Variants in GALNT13 observed in about 807,000 individuals in gnomAD.
The protein encoded by GALNT13 is polypeptide N-acetylgalactosaminyltransferase 13, also known as UDP-GalNAc:polypeptide N-acetylgalactosaminyltransferase 13.
A neutral mutation model predicts 64.2 loss-of-function variants in GALNT13; 28 were observed. The observed-to-expected ratio is 0.44, with a 90% CI of 0.32 to 0.60. The LOEUF is 0.60. GALNT13 is among the 20% of genes least tolerant of loss of function. GALNT13 has a pLI of 0.05. For missense variants in GALNT13, 577 were observed against 669.8 expected (o/e 0.86, Z 1.53); for synonymous variants, 214 against 224.6 (o/e 0.95, Z 0.42).
At chr2:154,033,863 C>T (rs183374784) in intron 3 of GALNT13, among the ~76,000 whole-genome samples, 95 of 151,974 alleles carry the variant, frequency 6.3e-4, no homozygotes, top group Non-Finnish European at 1.2e-3. Flanking sequence ...CTCTTGAACC[C>T]GGGGGGTGGA....
At chr2:154,082,120 G>A (rs893471237) in intron 3 of GALNT13, among the ~76,000 whole-genome samples, 21 of 151,682 alleles carry the variant, frequency 1.4e-4, no homozygotes, top group African/African-American at 4.8e-4. Flanking sequence ...GTTTTATGAT[G>A]TGTATTTTTA....
At chr2:153,547,899 T>A in the GALNT13 span, among the ~76,000 whole-genome samples, 492 of 152,312 alleles carry the variant, frequency 3.2e-3, 2 homozygotes, top group Non-Finnish European at 5.8e-3. Flanking sequence ...GGTTTTGATA[T>A]CCATAAGTGG....
the GALNT13 span, among the ~76,000 whole-genome samples, chr2:153,772,604 T>A: frequency 6.6e-6 from 1 of 152,362 alleles, no homozygotes; most frequent in African/African-American, 2.4e-5. Flanking sequence ...TGCACTGTTT[T>A]GCTATTTCCA....
rs540238090 is a variant in GALNT13 at position 154,349,327 on chromosome 2, C to G, written c.1157-46664C>G. On this transcript the variant is annotated intron_variant, in intron 9 of 12. Coordinates refer to ENST00000392825, the MANE Select transcript of GALNT13 (RefSeq NM_052917.4). The stretch of plus-strand genomic sequence containing the variant: ...AAATACAACTGTTTTAACTGGTTTA[C>G]AAGAAAATTGCAAGGATCATCTAAG... Among the ~76,000 whole-genome samples the G allele has an allele frequency of 7.9e-5, 12 of 152,236 alleles. No homozygotes were observed. The East Asian group carries it at 2.1e-3, about 27-fold the overall frequency.
At position 153,884,774 on chromosome 2, in the gene GALNT13, T is replaced by C. The variant is rs766685589; in HGVS notation, c.-177+12471T>C. Among the ~76,000 whole-genome samples the C allele has an allele frequency of 8.6e-4, 91 of 105,658 alleles. 1 individual carries two copies. Among genetic ancestry groups the C allele is most frequent in the Admixed American group, 4.2e-3 (46 of 10,970 alleles). 69.3% of individuals were successfully genotyped at this position (105,658 alleles called of 152,430 possible). A position where few individuals can be genotyped will look rare whatever the true frequency, so the allele number is the denominator to read the frequency against. ...TCTGTACTAAAAATACGAATATATA[T>C]ATATATATATATGTGTGTGTATATA... is the stretch of plus-strand genomic sequence containing the variant. On this transcript the variant is annotated intron_variant, in intron 1 of 12. Transcript: ENST00000392825.
intron 9 of GALNT13, among the ~76,000 whole-genome samples, chr2:154,307,475 A>G (rs570449618): frequency 1.9e-4 from 29 of 152,236 alleles, no homozygotes; most frequent in Non-Finnish European, 4.0e-4. Context: ...TATCTACTAT[A>G]TATCCTAACA....
the GALNT13 span, among the ~76,000 whole-genome samples, chr2:153,508,580 A>G: frequency 6.6e-6 from 1 of 152,174 alleles, no homozygotes. Flanking sequence ...TACTCCCCCA[A>G]CAACACTGAG....
intron 3 of GALNT13, among the ~76,000 whole-genome samples, chr2:154,133,362 G>A (rs909060229): frequency 1.3e-5 from 2 of 151,398 alleles, no homozygotes; most frequent in Non-Finnish European, 2.9e-5. Flanking sequence ...TCTAATTTGT[G>A]ATCTAATTAA....
At chr2:153,475,665 T>C in the GALNT13 span, among the ~76,000 whole-genome samples, 4,824 of 152,280 alleles carry the variant, frequency 0.032, 101 homozygotes, top group Middle Eastern at 0.071. Flanking sequence ...ACTCTAAGCA[T>C]GTGCCCGTAC....
At chr2:153,305,333 G>A in the GALNT13 span, among the ~76,000 whole-genome samples, 1 of 152,124 alleles carries the variant, frequency 6.6e-6, no homozygotes, top group East Asian at 1.9e-4. Flanking sequence ...CTAGGTTCTA[G>A]GAGTATCTGT....
At chr2:153,355,577 T>C in the GALNT13 span, among the ~76,000 whole-genome samples, 1 of 152,162 alleles carries the variant, frequency 6.6e-6, no homozygotes, top group Admixed American at 6.5e-5. Context: ...AAACAATGGA[T>C]CAAAAGTGTG....
chr2:154,127,283 C>T (rs1682339661), intron 3 of GALNT13, among the ~76,000 whole-genome samples: 2 of 152,114 alleles, frequency 1.3e-5, no homozygotes, highest in Admixed American at 6.5e-5. Context: ...AAAGTGACCA[C>T]TGATACGTAT....
the GALNT13 span, among the ~76,000 whole-genome samples, chr2:153,378,253 A>G: frequency 7.3e-6 from 1 of 136,938 alleles, no homozygotes; most frequent in Non-Finnish European, 1.5e-5. Flanking sequence ...GGTTTAGAAC[A>G]TTATAGATAG....
chr2:153,405,015 A>C, the GALNT13 span, among the ~76,000 whole-genome samples: 1 of 152,194 alleles, frequency 6.6e-6, no homozygotes, highest in African/African-American at 2.4e-5. Flanking sequence ...TTGGGTGCTT[A>C]CATACTACTG....
At chr2:154,013,335 T>C (rs565507255) in intron 3 of GALNT13, among the ~76,000 whole-genome samples, 1 of 152,036 alleles carries the variant, frequency 6.6e-6, no homozygotes, top group African/African-American at 2.4e-5. Context: ...CAGCTGTGTC[T>C]TCTGGCCCCT....
chr2:154,202,543 G>T (rs1259611632), intron 4 of GALNT13, among the ~76,000 whole-genome samples: 3 of 151,874 alleles, frequency 2.0e-5, no homozygotes, highest in Admixed American at 1.3e-4. Context: ...AAACAATATA[G>T]GAAAATAATA....
chr2:154,148,868 T>G (rs1023849143), intron 4 of GALNT13, among the ~76,000 whole-genome samples: 18 of 152,238 alleles, frequency 1.2e-4, no homozygotes, highest in African/African-American at 2.4e-4. Flanking sequence ...TTTCTCCCAT[T>G]TTGTAGGTTG....
intron 3 of GALNT13, among the ~76,000 whole-genome samples, chr2:154,003,122 T>C (rs1284152159): frequency 6.6e-6 from 1 of 152,120 alleles, no homozygotes; most frequent in Non-Finnish European, 1.5e-5. Context: ...CAGCATGGCT[T>C]CCCAACTGAT....
At chr2:154,417,282 CAA>C (rs35825821) in intron 11 of GALNT13, among the ~76,000 whole-genome samples, 5 of 75,116 alleles carry the variant, frequency 6.7e-5, no homozygotes, top group Admixed American at 1.6e-4. Context: ...AAACAAGCAC[CAA>C]AAAAAAAAAA....
Sources: allele counts gnomAD v4.1 joint callset (sites outside exome capture counted in the v4.1 genomes callset), GRCh38; gene constraint gnomAD v4.1.1; transcripts MANE v1.5; gene names NCBI Gene and HGNC (gene_info 2026-07-23, HGNC 2026-07-21).